Variants in SRPX observed in about 807,000 individuals in gnomAD.
SRPX encodes sushi repeat-containing protein SRPX.
SRPX carries 24 observed loss-of-function variants against 38.1 expected under a neutral mutation model. The observed-to-expected ratio is 0.63, with a 90% CI of 0.46 to 0.89. SRPX has a LOEUF of 0.89. Among genes scored for constraint, SRPX ranks in the 40% least tolerant of loss-of-function variants. The pLI is 0.00. For missense variants in SRPX, 416 were observed against 377.8 expected, an observed-to-expected ratio of 1.10 and a Z score of -0.84; for synonymous variants, 184 against 153.8, an observed-to-expected ratio of 1.20 and a Z score of -1.45.
chrX:38,193,614 G>A (rs767914215), intron 1 of SRPX, among the ~76,000 whole-genome samples: 2 of 112,155 alleles, frequency 1.8e-5, no homozygotes, highest in East Asian at 5.6e-4. Flanking sequence ...GCTTGCAAAT[G>A]GCAACTTTTT....
chrX:38,188,916 TGTTAA>T (rs1187907090), intron 1 of SRPX, among the ~76,000 whole-genome samples: 1 of 112,153 alleles, frequency 8.9e-6, no homozygotes, highest in Admixed American at 9.5e-5. Flanking sequence ...AACCTACATT[TGTTAA>T]GTTAATTCGG....
intron 9 of SRPX, 69 bp from the exon 10 acceptor site, chrX:38,149,963 A>G (rs1328985534): frequency 2.0e-5 from 19 of 959,979 alleles, no homozygotes; most frequent in Non-Finnish European, 2.5e-5. Flanking sequence ...TGGATCAACC[A>G]GAGCCTTACT....
chrX:38,181,492 T>A (rs1938671692), intron 1 of SRPX, among the ~76,000 whole-genome samples: 1 of 111,962 alleles, frequency 8.9e-6, no homozygotes, highest in Non-Finnish European at 1.9e-5. Context: ...GTGAGTGTTG[T>A]CAACTGTGTC....
chrX:38,164,845 C>G lies in SRPX; in HGVS notation c.577G>C (p.Glu193Gln). Residue 193 changes from glutamate (E) to glutamine (Q), a missense_variant, in exon 5 of 10, where the codon GAA becomes CAA. Coordinates refer to ENST00000378533, the MANE Select transcript of SRPX (RefSeq NM_006307.5). Reference sequence around the variant, plus strand: ...ACCCGGACTGTCAGTTTGTTGGGTTCTGCAATGCGTTCCTTCACACTTGGG... The same window carrying G: ...ACCCGGACTGTCAGTTTGTTGGGTTGTGCAATGCGTTCCTTCACACTTGGG... Reference protein sequence around the residue: ...KCPSVKERIAEPNKLTVRVSW... With the variant: ...KCPSVKERIAQPNKLTVRVSW... 1 of 1,210,831 alleles carries G rather than the reference C, an allele frequency of 8.3e-7. No homozygotes were observed. The highest frequency in any genetic ancestry group is 1.7e-5 in the African/African-American group (1 of 57,717).
intron 9 of SRPX, among the ~76,000 whole-genome samples, chrX:38,153,713 C>T (rs1055650906): frequency 3.6e-5 from 4 of 111,435 alleles, no homozygotes; most frequent in African/African-American, 1.3e-4. Context: ...TCTCTTTCCC[C>T]ACTTTTGCAG....
chrX:38,188,908 C>T (rs1938840296), intron 1 of SRPX, among the ~76,000 whole-genome samples: 1 of 111,832 alleles, frequency 8.9e-6, no homozygotes. Context: ...ACTTTGAAAA[C>T]CTACATTTGT....
chrX:38,214,850 C>A (rs1327283294), intron 1 of SRPX, among the ~76,000 whole-genome samples: 1 of 111,948 alleles, frequency 8.9e-6, no homozygotes, highest in African/African-American at 3.3e-5. Flanking sequence ...TGCGAACAAT[C>A]TTGGATCACT....
chrX:38,171,288 C>T (rs1938463151), intron 4 of SRPX, among the ~76,000 whole-genome samples: 2 of 111,396 alleles, frequency 1.8e-5, no homozygotes, highest in African/African-American at 6.5e-5. Flanking sequence ...AAACAAAATG[C>T]TGTGCCTGAC....
At chrX:38,156,127 G>A (rs1343523295) in intron 8 of SRPX, among the ~76,000 whole-genome samples, 1 of 111,887 alleles carries the variant, frequency 8.9e-6, no homozygotes, top group Non-Finnish European at 1.9e-5. Flanking sequence ...TGTATCCATG[G>A]CACAGCATAC....
In SRPX at chrX:38,173,303, T is replaced by C. The variant is rs183487836; in HGVS notation, c.349+857A>G. Among the ~76,000 whole-genome samples the C allele has an allele frequency of 4.2e-3, 469 of 112,293 alleles. 3 individuals carry two copies. The highest frequency in any genetic ancestry group is 0.015 in the African/African-American group (455 of 30,927). On this transcript the variant is annotated intron_variant, in intron 3 of 9. Coordinates refer to ENST00000378533, the MANE Select transcript of SRPX (RefSeq NM_006307.5). ...CACTTGCAATTTTCCAAATGAGGTA[T>C]GACTTGTCATGAAGCTAAAAGCCAG...
At chrX:38,185,524 G>C (rs1049814937) in intron 1 of SRPX, among the ~76,000 whole-genome samples, 1 of 111,402 alleles carries the variant, frequency 9.0e-6, no homozygotes, top group South Asian at 3.8e-4. Flanking sequence ...GCAAAATTAC[G>C]GCTGTAAAAT....
At position 38,164,821 on chromosome X, in the gene SRPX, C is replaced by T. The variant is rs147023214; in HGVS notation, c.601G>A (p.Val201Met). Residue 201 changes from valine to methionine, a missense_variant, in exon 5 of 10, where the codon GTG becomes ATG. Physicochemically the swap from Val to Met is conservative, Grantham distance 21. Coordinates refer to ENST00000378533, the MANE Select transcript of SRPX (RefSeq NM_006307.5). ...CTTCCTTCGGGTGTCTCCCAGGACA[C>T]CCGGACTGTCAGTTTGTTGGGTTCT... ...IAEPNKLTVR[V>M]SWETPEGRDT... is the part of the protein sequence containing the mutation. 4 of 1,208,688 alleles carry T rather than the reference C, an allele frequency of 3.3e-6. No homozygotes were observed. The African/African-American group carries it at 7.0e-5, about 21-fold the overall frequency.
chrX:38,193,514 T>C (rs1384304593), intron 1 of SRPX, among the ~76,000 whole-genome samples: 2 of 111,929 alleles, frequency 1.8e-5, no homozygotes, highest in Admixed American at 9.4e-5. Context: ...GAATTATAAA[T>C]GAAAAATTAA....
In SRPX at chrX:38,159,974, G is replaced by C. The variant is rs757899348; in HGVS notation, c.955+43C>G. 24 of 1,175,483 alleles carry C rather than the reference G, an allele frequency of 2.0e-5. No homozygotes were observed. The African/African-American group carries it at 3.9e-4, about 19-fold the overall frequency. On this transcript the variant is annotated intron_variant, in intron 7 of 9. Transcript: ENST00000378533. Reference sequence around the variant, plus strand: ...CTTGCACTGGAATCAAGAACCAAGGGGTTTACAGGTTCTGCTGCAGGCTGG... The same window carrying C: ...CTTGCACTGGAATCAAGAACCAAGGCGTTTACAGGTTCTGCTGCAGGCTGG...
intron 4 of SRPX, 72 bp from the exon 5 acceptor site, chrX:38,164,967 G>A: frequency 3.0e-6 from 3 of 997,091 alleles, no homozygotes; most frequent in Non-Finnish European, 4.2e-6. Context: ...AACACCCACA[G>A]TTTAAAATAC....
chrX:38,203,460 A>T (rs1663664781), intron 1 of SRPX, among the ~76,000 whole-genome samples: 1 of 112,752 alleles, frequency 8.9e-6, no homozygotes, highest in Non-Finnish European at 1.9e-5. Flanking sequence ...GAAAGAAAAG[A>T]TACAAAGATT....
Position 38,204,611 on chromosome X carries a change from G to C in SRPX, c.97+16085C>G, listed in dbSNP as rs746157108. 4.5e-5 allele frequency among the ~76,000 whole-genome samples: 5 copies of C among 111,808 alleles called. No individual in the cohort carries two copies. In the South Asian group the frequency reaches 1.9e-3, roughly 42 times the overall value. ...AGGGGCCTTTGGGATTCACAAAAGT[G>C]GGAAATTATTTGGCGTTCATCCAAG... On this transcript the variant is annotated intron_variant, in intron 1 of 9. Coordinates refer to ENST00000378533, the MANE Select transcript of SRPX (RefSeq NM_006307.5).
intron 1 of SRPX, among the ~76,000 whole-genome samples, chrX:38,189,853 G>A (rs1236121080): frequency 9.0e-6 from 1 of 111,685 alleles, no homozygotes; most frequent in Non-Finnish European, 1.9e-5. Flanking sequence ...TCCCCTTACT[G>A]CCCCTGTGAA....
chrX:38,185,898 AG>A (rs1338968723), intron 1 of SRPX, among the ~76,000 whole-genome samples: 2,642 of 81,958 alleles, frequency 0.032, 99 homozygotes, highest in African/African-American at 0.095. Context: ...AAAAAAAAAA[AG>A]GGGGGGGGGA....
Sources: gnomAD v4.1 joint callset for allele counts (sites outside exome capture counted in the v4.1 genomes callset) on GRCh38, gnomAD v4.1.1 for gene constraint, MANE v1.5 for transcripts, NCBI Gene and HGNC (gene_info 2026-07-23, HGNC 2026-07-21) for gene names.